NPR3: variants seen among roughly 807,000 people sequenced by gnomAD.
NPR3 encodes natriuretic peptide receptor 3.
NPR3 carries 34 observed loss-of-function variants against 54.5 expected under a neutral mutation model. The ratio of observed to expected loss-of-function variants is 0.62; its 90% CI spans 0.47 to 0.83. NPR3 has a LOEUF of 0.83. Ranked by LOEUF, NPR3 falls within the 40% of genes least tolerant of loss-of-function variation. The pLI, the probability that NPR3 is intolerant of heterozygous loss-of-function variation, is 0.00. For synonymous variants in NPR3, 289 were observed against 297.1 expected (o/e 0.97, Z 0.28); for missense variants, 674 against 720.8 (o/e 0.94, Z 0.74).
rs1382904487 is a variant in NPR3, at chr5:32,788,742, C to T, written c.*2397C>T. On this transcript the variant is annotated 3_prime_UTR_variant, in exon 8 of 8. Coordinates refer to ENST00000265074, the MANE Select transcript of NPR3 (RefSeq NM_001204375.2). The stretch of plus-strand genomic sequence containing the variant: ...AGATAAGATCTTAGAGATAAGTGAG[C>T]ATTTAGTATTCTAAAAGTGGCAGAA... The T allele has an allele frequency of 1.3e-5, 2 of 152,178 alleles. No homozygotes were observed. Among genetic ancestry groups the T allele is most frequent in the Non-Finnish European group, 2.9e-5 (2 of 68,042 alleles). 9.4% of individuals were successfully genotyped at this position (152,178 alleles called of 1,614,324 possible).
intron 4 of NPR3, among the ~76,000 whole-genome samples, chr5:32,780,170 C>A (rs913825874): frequency 6.6e-6 from 1 of 152,168 alleles, no homozygotes; most frequent in Non-Finnish European, 1.5e-5. Context: ...AAACAATTAG[C>A]GAAGAACTCA....
rs1265617137 is a variant in NPR3 at position 32,774,849 on chromosome 5, G to T, written c.1195+6G>T. The stretch of plus-strand genomic sequence containing the variant: ...TTGGAACAGAACATTTGAAGGTGGG[G>T]ATTCCATCTATAAGGCAATTACATG... On this transcript the variant is annotated splice_donor_region_variant and intron_variant, in intron 4 of 7. Transcript: ENST00000265074. 3 of 1,608,996 alleles carry T rather than the reference G, an allele frequency of 1.9e-6. No individual in the cohort carries two copies. In the South Asian group the frequency reaches 3.3e-5, roughly 18 times the overall value.
intron 2 of NPR3, among the ~76,000 whole-genome samples, chr5:32,738,300 C>G (rs762103553): frequency 4.6e-5 from 7 of 152,066 alleles, no homozygotes; most frequent in Non-Finnish European, 8.8e-5. Context: ...CCCCCACCCC[C>G]TGATAGGCCC....
rs59057102 is a variant in NPR3, at chr5:32,711,547, A to ACTTTTTCTTTTT, written c.-217_-206dup. The ACTTTTTCTTTTT allele has an allele frequency of 3.3e-3, 3,200 of 965,988 alleles. 80 individuals carry two copies. In the Admixed American group the frequency reaches 0.069, roughly 21 times the overall value. The allele number at this position is 965,988 out of a possible 1,614,324, so 59.8% of individuals were successfully genotyped here. ...AGACGCACAGGTTTACACCCGGTGA[A>ACTTTTTCTTTTT]CTTTTTCTTTTTCTTTTTCTTTTTT... On this transcript the variant is annotated 5_prime_UTR_variant, in exon 1 of 8. Coordinates refer to ENST00000265074, the MANE Select transcript of NPR3 (RefSeq NM_001204375.2).
chr5:32,716,601 G>A (rs969046449), intron 1 of NPR3: 1 of 323,760 alleles, frequency 3.1e-6, no homozygotes, highest in Admixed American at 4.2e-5. Context: ...TCCAGCCTGG[G>A]CAACATAGCT....
At chr5:32,725,590 T>C (rs1221896677) in intron 2 of NPR3, among the ~76,000 whole-genome samples, 1 of 152,196 alleles carries the variant, frequency 6.6e-6, no homozygotes, top group Non-Finnish European at 1.5e-5. Context: ...ATGATCAGAA[T>C]AATTTCAGTG....
intron 3 of NPR3, among the ~76,000 whole-genome samples, chr5:32,759,251 A>C (rs1464859283): frequency 6.6e-6 from 1 of 152,168 alleles, no homozygotes; most frequent in Non-Finnish European, 1.5e-5. Context: ...GTCTCTTTGT[A>C]GATCTCTAAG....
intron 3 of NPR3, among the ~76,000 whole-genome samples, chr5:32,760,015 T>C (rs1018266376): frequency 4.6e-5 from 7 of 152,140 alleles, no homozygotes; most frequent in Admixed American, 4.6e-4. Flanking sequence ...GTTACCCGAC[T>C]TTTCTCTGTG....
At chr5:32,769,377 G>A (rs1741635263) in intron 3 of NPR3, among the ~76,000 whole-genome samples, 1 of 152,096 alleles carries the variant, frequency 6.6e-6, no homozygotes, top group South Asian at 2.1e-4. Flanking sequence ...AGTGGTCCAG[G>A]AGGGCTGGAC....
At chr5:32,693,915 A>G (rs917059153) in intron 1 of NPR3, among the ~76,000 whole-genome samples, 1 of 152,230 alleles carries the variant, frequency 6.6e-6, no homozygotes, top group African/African-American at 2.4e-5. Flanking sequence ...GTGCCTTCAT[A>G]CAATCTGCTT....
At chr5:32,698,354 T>C (rs762559053) in intron 1 of NPR3, among the ~76,000 whole-genome samples, 25 of 145,200 alleles carry the variant, frequency 1.7e-4, no homozygotes, top group Middle Eastern at 3.7e-3. Context: ...GAGAAGATGC[T>C]TGATATAATT....
At chr5:32,768,763 T>C (rs1741602759) in intron 3 of NPR3, among the ~76,000 whole-genome samples, 2 of 152,230 alleles carry the variant, frequency 1.3e-5, no homozygotes. Flanking sequence ...GCCCAGTGCA[T>C]TGCTACCAGT....
At chr5:32,706,816 A>G (rs546536856), upstream of NPR3, among the ~76,000 whole-genome samples, 13 of 152,272 alleles carry the variant, frequency 8.5e-5, no homozygotes, top group East Asian at 2.5e-3. Flanking sequence ...GATTGCATTG[A>G]CATGCTTAAG....
chr5:32,695,969 G>T (rs954781313), intron 1 of NPR3, among the ~76,000 whole-genome samples: 2 of 151,908 alleles, frequency 1.3e-5, no homozygotes, highest in Non-Finnish European at 2.9e-5. Context: ...CCCATTTTAC[G>T]GGCTGCCTTC....
chr5:32,699,880 G>A (rs1220771098), intron 1 of NPR3, among the ~76,000 whole-genome samples: 1 of 152,142 alleles, frequency 6.6e-6, no homozygotes, highest in Non-Finnish European at 1.5e-5. Flanking sequence ...TGTAGGACAG[G>A]TCTGGTATTG....
At chr5:32,729,724 T>G (rs748148167) in intron 2 of NPR3, among the ~76,000 whole-genome samples, 3 of 152,302 alleles carry the variant, frequency 2.0e-5, no homozygotes, top group Non-Finnish European at 4.4e-5. Flanking sequence ...AAACATAGAT[T>G]CTATCTAAGT....
At chr5:32,780,840 C>G in intron 5 of NPR3, 24 bp downstream of exon 5, 1 of 1,064,232 alleles carries the variant, frequency 9.4e-7, no homozygotes, top group Non-Finnish European at 1.5e-6. Context: ...ACCTCTGCAC[C>G]AGTTGCTCCT....
Position 32,788,798 on chromosome 5 carries a change from AT to A in NPR3, c.*2456del, listed in dbSNP as rs1432708374. ...CATGAGGTTTCTGGATGCTATACCA[AT>A]TTAAAATCAATTCTTATGTTAATAT... On this transcript the variant is annotated 3_prime_UTR_variant, in exon 8 of 8. Coordinates refer to ENST00000265074, the MANE Select transcript of NPR3 (RefSeq NM_001204375.2). The A allele has an allele frequency of 6.6e-6, 1 of 152,228 alleles. No individual in the cohort carries two copies. Among genetic ancestry groups the A allele is most frequent in the African/African-American group, 2.4e-5 (1 of 41,464 alleles). 9.4% of individuals were successfully genotyped at this position (152,228 alleles called of 1,614,324 possible).
chr5:32,781,850 T>C (rs1248256232), intron 5 of NPR3, among the ~76,000 whole-genome samples: 1 of 152,122 alleles, frequency 6.6e-6, no homozygotes, highest in Non-Finnish European at 1.5e-5. Context: ...ACGCCAGTGA[T>C]TGTTATATTT....
Sources: gnomAD v4.1 joint callset for allele counts (sites outside exome capture counted in the v4.1 genomes callset) on GRCh38, gnomAD v4.1.1 for gene constraint, MANE v1.5 for transcripts, NCBI Gene and HGNC (gene_info 2026-07-23, HGNC 2026-07-21) for gene names.